MEIS2: variants seen among roughly 807,000 people sequenced by gnomAD.
The protein encoded by MEIS2 is Meis homeobox 2.
A neutral mutation model predicts 58.6 loss-of-function variants in MEIS2; 9 were observed. That is an observed-to-expected ratio of 0.15 (90% CI 0.09 to 0.27). The LOEUF (loss-of-function observed/expected upper bound fraction) is 0.27, where lower values mean the gene tolerates loss of function less well. Among genes scored for constraint, MEIS2 ranks in the 10% least tolerant of loss-of-function variants. The pLI is 1.00. For missense variants in MEIS2, 427 were observed against 635.0 expected, an observed-to-expected ratio of 0.67 and a Z score of 3.52; for synonymous variants, 221 against 228.4, an observed-to-expected ratio of 0.97 and a Z score of 0.29.
intron 9 of MEIS2, among the ~76,000 whole-genome samples, chr15:36,923,271 T>C (rs1227744200): frequency 1.3e-5 from 2 of 152,202 alleles, no homozygotes; most frequent in African/African-American, 4.8e-5. Flanking sequence ...TGTTTTCTAA[T>C]TCTGGCCTAC....
chr15:36,988,306 A>G (rs2060158947), intron 8 of MEIS2, among the ~76,000 whole-genome samples: 1 of 152,216 alleles, frequency 6.6e-6, no homozygotes, highest in South Asian at 2.1e-4. Flanking sequence ...GAGTCACATC[A>G]GATTCTTTTT....
intron 8 of MEIS2, among the ~76,000 whole-genome samples, chr15:37,009,391 GT>G (rs2061050017): frequency 6.6e-6 from 1 of 152,210 alleles, no homozygotes; most frequent in Non-Finnish European, 1.5e-5. Flanking sequence ...GTTCAGGTTT[GT>G]TTTGTTTTGG....
At chr15:36,990,102 G>A (rs1004510714) in intron 8 of MEIS2, among the ~76,000 whole-genome samples, 8 of 151,956 alleles carry the variant, frequency 5.3e-5, no homozygotes, top group South Asian at 2.1e-4. Context: ...CCGCCACCAC[G>A]CCCAGCTAAA....
chr15:36,980,111 T>C (rs1316095684), intron 8 of MEIS2, among the ~76,000 whole-genome samples: 1 of 152,060 alleles, frequency 6.6e-6, no homozygotes, highest in Non-Finnish European at 1.5e-5. Context: ...TTTTTCTAAC[T>C]TATTTGTAAG....
At position 37,098,312 on chromosome 15, in the gene MEIS2, G is replaced by A. The variant is rs547031336; in HGVS notation, c.13-113C>T. On this transcript the variant is annotated intron_variant, in intron 1 of 11. Coordinates refer to ENST00000561208, the MANE Select transcript of MEIS2 (RefSeq NM_170675.5). Reference sequence around the variant, plus strand: ...AGGGCGAACAGAAAAGAGAGGAAGGGATAAAGATGAGAGAGAGGGAGGGAG... The same window carrying A: ...AGGGCGAACAGAAAAGAGAGGAAGGAATAAAGATGAGAGAGAGGGAGGGAG... 6.8e-5 allele frequency: 87 copies of A among 1,284,718 alleles called. No homozygotes were observed. In the East Asian group the frequency reaches 2.9e-3, roughly 42 times the overall value. 79.6% of individuals were successfully genotyped at this position (1,284,718 alleles called of 1,614,324 possible). A position where few individuals can be genotyped will look rare whatever the true frequency, so the allele number is the denominator to read the frequency against.
At chr15:37,008,361 CACCAATGACCTTTGA>C (rs1377418167) in intron 8 of MEIS2, among the ~76,000 whole-genome samples, 1 of 152,180 alleles carries the variant, frequency 6.6e-6, no homozygotes, top group Admixed American at 6.5e-5. Flanking sequence ...TCTCAAGTTT[CACCAATGACCTTTGA>C]ACCATTTTCA....
chr15:37,053,103 G>A (rs1384024166), intron 7 of MEIS2, among the ~76,000 whole-genome samples: 1 of 152,218 alleles, frequency 6.6e-6, no homozygotes, highest in Non-Finnish European at 1.5e-5. Flanking sequence ...GGAAAGAAAG[G>A]AAGGGGTTTG....
intron 2 of MEIS2, chr15:37,097,140 C>A (rs1894359975): frequency 6.6e-6 from 1 of 152,204 alleles, no homozygotes; most frequent in Admixed American, 6.5e-5. Context: ...AGTGTGCGTG[C>A]GCGTATGCCC....
In MEIS2 at chr15:37,093,596, T is replaced by A. The variant is rs781123251; in HGVS notation, c.624A>T (p.Thr208=). The A allele has an allele frequency of 6.2e-7, 1 of 1,614,156 alleles. No individual in the cohort carries two copies. The highest frequency in any genetic ancestry group is 1.7e-5 in the Admixed American group (1 of 60,026). Residue 208 remains threonine (T), a synonymous_variant, in exon 6 of 12, where the codon ACA becomes ACT. Transcript: ENST00000561208. ...SDHEELSGSS[T]NLADHNPSSW... is the part of the protein sequence containing the mutation. Reference sequence around the variant, plus strand: ...GCAGACTTACATGGTCAGCGAGATTTGTGGAGGAGCCTGAAAGTTCTTCAT... The same window carrying A: ...GCAGACTTACATGGTCAGCGAGATTAGTGGAGGAGCCTGAAAGTTCTTCAT...
chr15:37,006,303 T>C (rs1025059984), intron 8 of MEIS2, among the ~76,000 whole-genome samples: 6 of 152,226 alleles, frequency 3.9e-5, no homozygotes, highest in African/African-American at 1.4e-4. Flanking sequence ...AATTAAGCCA[T>C]GGCCTGGCAG....
chr15:36,932,550 T>G (rs997259628), intron 9 of MEIS2, among the ~76,000 whole-genome samples: 4 of 152,204 alleles, frequency 2.6e-5, no homozygotes, highest in Non-Finnish European at 5.9e-5. Context: ...CTTATTAGAA[T>G]AGGAAGTTTC....
chr15:37,093,545 T>G (rs761520727), intron 6 of MEIS2, 36 bp downstream of exon 6: 1 of 1,610,688 alleles, frequency 6.2e-7, no homozygotes, highest in Non-Finnish European at 8.5e-7. Flanking sequence ...CTTTGCCCAG[T>G]GGCCTTAAAA....
intron 9 of MEIS2, among the ~76,000 whole-genome samples, chr15:36,936,258 G>A (rs59846659): frequency 0.044 from 5,637 of 129,536 alleles, 245 homozygotes; most frequent in East Asian, 0.18. Flanking sequence ...GCAGTGGTGC[G>A]ATCTCGGCTC....
At chr15:36,930,501 C>T (rs1412412000) in intron 9 of MEIS2, among the ~76,000 whole-genome samples, 1 of 152,026 alleles carries the variant, frequency 6.6e-6, no homozygotes, top group Non-Finnish European at 1.5e-5. Flanking sequence ...GTTTAAAGAC[C>T]CTCGATGAGC....
chr15:36,924,178 G>A (rs936148236), intron 9 of MEIS2, among the ~76,000 whole-genome samples: 9 of 152,194 alleles, frequency 5.9e-5, no homozygotes, highest in Admixed American at 3.9e-4. Flanking sequence ...AAATAATGGC[G>A]GGAATATAAA....
chr15:37,057,106 A>G (rs1303278150), intron 7 of MEIS2, among the ~76,000 whole-genome samples: 3 of 152,214 alleles, frequency 2.0e-5, no homozygotes, highest in Non-Finnish European at 4.4e-5. Context: ...TCAAATCCTC[A>G]CGGCACCTAG....
intron 8 of MEIS2, among the ~76,000 whole-genome samples, chr15:37,035,493 G>T (rs552069308): frequency 6.6e-6 from 1 of 152,206 alleles, no homozygotes; most frequent in South Asian, 2.1e-4. Context: ...TCATTATTTT[G>T]TCTTTGGTTA....
chr15:36,950,644 C>T (rs2058723002), intron 8 of MEIS2, among the ~76,000 whole-genome samples: 1 of 152,096 alleles, frequency 6.6e-6, no homozygotes, highest in Admixed American at 6.6e-5. Context: ...TTAAGTTATG[C>T]AATTTCTTTA....
chr15:37,096,038 T>C (rs1409421429), intron 3 of MEIS2: 1 of 468,112 alleles, frequency 2.1e-6, no homozygotes, highest in Non-Finnish European at 3.8e-6. Context: ...AAGCCCCAGA[T>C]TAGGAGCAGG....
Sources: gnomAD v4.1 joint callset for allele counts (sites outside exome capture counted in the v4.1 genomes callset) on GRCh38, gnomAD v4.1.1 for gene constraint, MANE v1.5 for transcripts, NCBI Gene and HGNC (gene_info 2026-07-23, HGNC 2026-07-21) for gene names.